The following TMEM106B variants were observed in gnomAD, a reference collection of about 807,000 sequenced individuals.
TMEM106B encodes the protein transmembrane protein 106B.
Under a neutral mutation model 31.1 loss-of-function variants are expected in TMEM106B, and 15 were observed. That is an observed-to-expected ratio of 0.48 (90% CI 0.32 to 0.74). TMEM106B has a LOEUF of 0.74. Among genes scored for constraint, TMEM106B ranks in the 30% least tolerant of loss-of-function variants. The pLI is 0.03. For synonymous variants in TMEM106B, 126 were observed against 112.5 expected, an observed-to-expected ratio of 1.12 and a Z score of -0.76; for missense variants, 283 against 327.3, an observed-to-expected ratio of 0.86 and a Z score of 1.04.
At chr7:12,218,546 GTGTTTTA>G (rs1781730655) in intron 3 of TMEM106B, 25 bp downstream of exon 3, 7 of 1,572,444 alleles carry the variant, frequency 4.5e-6, no homozygotes, top group Middle Eastern at 3.4e-4. Context: ...GAATATGGCA[GTGTTTTA>G]TGTTTTATTT....
chr7:12,214,533 A>G (rs902253325), intron 1 of TMEM106B: 8 of 376,070 alleles, frequency 2.1e-5, no homozygotes, highest in Non-Finnish European at 3.4e-5. Flanking sequence ...TGTATACCTT[A>G]CATCTATTGA....
chr7:12,229,661 T>TG lies in TMEM106B; in HGVS notation c.442-17dup. 1 of 1,528,248 alleles carries TG rather than the reference T, an allele frequency of 6.5e-7. No homozygotes were observed. Among genetic ancestry groups the TG allele is most frequent in the South Asian group, 1.3e-5 (1 of 78,252 alleles). 94.7% of individuals were successfully genotyped at this position (1,528,248 alleles called of 1,614,324 possible). On this transcript the variant is annotated splice_polypyrimidine_tract_variant and intron_variant, in intron 4 of 7. Coordinates refer to ENST00000396668, the MANE Select transcript of TMEM106B (RefSeq NM_001134232.2). ...ATTTTTAGCTAACTTGTAAATTTTC[T>TG]GTGTCCTTTTTTTGTAGAACACACT...
At position 12,230,370 on chromosome 7, in the gene TMEM106B, T is replaced by G; in HGVS notation, c.583-19T>G. On this transcript the variant is annotated intron_variant, in intron 5 of 7. Transcript: ENST00000396668. Reference sequence around the variant, plus strand: ...GTTTTGATCTTGTTCTCTATCGAATTTCTCCTTTTGCCTTTCAGATTGATT... The same window carrying G: ...GTTTTGATCTTGTTCTCTATCGAATGTCTCCTTTTGCCTTTCAGATTGATT... The G allele has an allele frequency of 6.3e-7, 1 of 1,578,288 alleles. No homozygotes were observed. The highest frequency in any genetic ancestry group is 1.7e-4 in the Middle Eastern group (1 of 5,974).
rs1781659335 is a variant in TMEM106B, at chr7:12,215,010, C to G, written c.200C>G (p.Thr67Arg). The G allele has an allele frequency of 6.2e-7, 1 of 1,613,652 alleles. No homozygotes were observed. Among genetic ancestry groups the G allele is most frequent in the Non-Finnish European group, 8.5e-7 (1 of 1,179,702 alleles). The change falls in exon 2 of 8, where the codon ACA becomes AGA. Residue 67 changes from threonine (T) to arginine (R), a missense_variant. Around this residue, in one of 3 missense-constraint regions of TMEM106B, gnomAD observed 77 missense variants for 89.4 expected, o/e 0.86. Transcript: ENST00000396668. ...DSVTCPTCQG[T>R]GRIPRGQENQ... ...GTCACCTGCCCTACTTGTCAGGGAA[C>G]AGGAAGAATTCCTAGGGGTATGTGT...
chr7:12,235,429 A>C lies in TMEM106B; in HGVS notation c.*3454A>C, dbSNP rs922125372. The C allele has an allele frequency of 6.6e-6, 1 of 152,106 alleles. No individual in the cohort carries two copies. Among genetic ancestry groups the C allele is most frequent in the Non-Finnish European group, 1.5e-5 (1 of 67,798 alleles). 9.4% of individuals were successfully genotyped at this position (152,106 alleles called of 1,614,324 possible). On this transcript the variant is annotated 3_prime_UTR_variant, in exon 8 of 8. Transcript: ENST00000396668. ...TGTGCCTTGTTAGGCCAGTGAAGCA[A>C]TTATTTTCTCTAAGAAAATGACAAT...
chr7:12,231,166 T>C (rs922964213), intron 7 of TMEM106B, 51 bp downstream of exon 7: 1 of 1,390,072 alleles, frequency 7.2e-7, no homozygotes, highest in East Asian at 2.3e-5. Flanking sequence ...CATTTTGGAT[T>C]TATAACATTG....
At chr7:12,220,254 A>G (rs1048942481) in intron 3 of TMEM106B, among the ~76,000 whole-genome samples, 4 of 152,200 alleles carry the variant, frequency 2.6e-5, no homozygotes, top group African/African-American at 9.6e-5. Flanking sequence ...AAGTGGGAGA[A>G]CTTTTTAAAC....
intron 5 of TMEM106B, among the ~76,000 whole-genome samples, chr7:12,230,175 C>G (rs560964328): frequency 6.6e-6 from 1 of 151,758 alleles, no homozygotes; most frequent in Non-Finnish European, 1.5e-5. Flanking sequence ...GTGATCACAC[C>G]GCCGTACTCC....
chr7:12,231,812 C>G, intron 7 of TMEM106B, 25 bp from the exon 8 acceptor site: 4 of 1,562,128 alleles, frequency 2.6e-6, no homozygotes, highest in Non-Finnish European at 3.5e-6. Context: ...TATTAAATGT[C>G]TCTCCTCACT....
Position 12,239,843 on chromosome 7 carries a change from GT to G in TMEM106B, c.*7871del, listed in dbSNP as rs1405345710. The G allele has an allele frequency of 6.6e-6, 1 of 151,922 alleles. No homozygotes were observed. Among genetic ancestry groups the G allele is most frequent in the African/African-American group, 2.4e-5 (1 of 41,368 alleles). The allele number at this position is 151,922 out of a possible 1,614,324, so 9.4% of individuals were successfully genotyped here. A position where few individuals can be genotyped will look rare whatever the true frequency, so the allele number is the denominator to read the frequency against. On this transcript the variant is annotated 3_prime_UTR_variant, in exon 8 of 8. Transcript: ENST00000396668. Reference sequence around the variant, plus strand: ...CACTGATTACAGATCATTAAAATAGGTTTAATAATAATGGAAACATTTGAAA... The same window carrying G: ...CACTGATTACAGATCATTAAAATAGGTTAATAATAATGGAAACATTTGAAA...
Position 12,224,232 on chromosome 7 carries a change from G to A in TMEM106B, c.288G>A (p.Leu96=). The change falls in exon 4 of 8, where the codon CTG becomes CTA. Residue 96 remains leucine, a synonymous_variant. Transcript: ENST00000396668. ...DQRLRPRRTK[L]YVMASVFVCL... ...ACCCTCTTTTCCTTTTCAGAAAGCT[G>A]TATGTGATGGCTTCTGTGTTTGTCT... 6.2e-7 allele frequency: 1 copy of A among 1,612,886 alleles called. No individual in the cohort carries two copies. Among genetic ancestry groups the A allele is most frequent in the Non-Finnish European group, 8.5e-7 (1 of 1,179,176 alleles).
Position 12,232,713 on chromosome 7 carries a change from CTG to C in TMEM106B, c.*741_*742del, listed in dbSNP as rs1478892902. The stretch of plus-strand genomic sequence containing the variant: ...TTTAATGTACAATACTGTAAATAAA[CTG>C]TGCATGGCTTTTATACAGCTTTAGT... On this transcript the variant is annotated 3_prime_UTR_variant, in exon 8 of 8. Transcript: ENST00000396668. The C allele has an allele frequency of 2.0e-5, 3 of 152,226 alleles. No individual in the cohort carries two copies. Among genetic ancestry groups the C allele is most frequent in the Admixed American group, 1.3e-4 (2 of 15,236 alleles). 9.4% of individuals were successfully genotyped at this position (152,226 alleles called of 1,614,324 possible).
At position 12,229,565 on chromosome 7, in the gene TMEM106B, A is replaced by G. The variant is rs1002285282; in HGVS notation, c.442-114A>G. The G allele has an allele frequency of 7.3e-5, 63 of 859,320 alleles. No homozygotes were observed. The Admixed American group carries it at 1.7e-3, about 23-fold the overall frequency. 53.2% of individuals were successfully genotyped at this position (859,320 alleles called of 1,614,324 possible). On this transcript the variant is annotated intron_variant, in intron 4 of 7. Coordinates refer to ENST00000396668, the MANE Select transcript of TMEM106B (RefSeq NM_001134232.2). ...TAATTTTCTTTGACATTTTGGTATT[A>G]CTTTCTTTTTCTTAATAAATGAAGC...
intron 1 of TMEM106B, among the ~76,000 whole-genome samples, chr7:12,212,028 A>G (rs1049108681): frequency 3.3e-5 from 5 of 152,216 alleles, no homozygotes; most frequent in Non-Finnish European, 5.9e-5. Context: ...TCCCAAGAAT[A>G]AAAGTGGTTA....
At chr7:12,213,607 T>G (rs906123474) in intron 1 of TMEM106B, among the ~76,000 whole-genome samples, 1 of 152,108 alleles carries the variant, frequency 6.6e-6, no homozygotes, top group Admixed American at 6.5e-5. Context: ...GTGTAGACTT[T>G]TGTCAAATGT....
In TMEM106B at chr7:12,234,352, G is replaced by A. The variant is rs1782087014; in HGVS notation, c.*2377G>A. 6.6e-6 allele frequency: 1 copy of A among 151,644 alleles called. No individual in the cohort carries two copies. The highest frequency in any genetic ancestry group is 2.4e-5 in the African/African-American group (1 of 41,356). The allele number at this position is 151,644 out of a possible 1,614,324, so 9.4% of individuals were successfully genotyped here. On this transcript the variant is annotated 3_prime_UTR_variant, in exon 8 of 8. Coordinates refer to ENST00000396668, the MANE Select transcript of TMEM106B (RefSeq NM_001134232.2). Reference sequence around the variant, plus strand: ...ATTATATCTACTTTTAGTGGAGTTTGAGTCAGAAAAAAACAAGAATTTGAA... The same window carrying A: ...ATTATATCTACTTTTAGTGGAGTTTAAGTCAGAAAAAAACAAGAATTTGAA...
At chr7:12,212,282 A>G (rs1781595429) in intron 1 of TMEM106B, among the ~76,000 whole-genome samples, 1 of 152,202 alleles carries the variant, frequency 6.6e-6, no homozygotes, top group African/African-American at 2.4e-5. Flanking sequence ...GATCCCAGAA[A>G]GAGTGCCCTT....
chr7:12,230,609 A>ATATG, intron 6 of TMEM106B, 171 bp downstream of exon 6: 2 of 490,558 alleles, frequency 4.1e-6, no homozygotes, highest in Non-Finnish European at 7.1e-6. Context: ...TATAATATTC[A>ATATG]TGTATATATA....
rs919140307 is a variant in TMEM106B, at chr7:12,232,529, G to C, written c.*554G>C. 6.6e-6 allele frequency: 1 copy of C among 152,094 alleles called. No homozygotes were observed. The highest frequency in any genetic ancestry group is 1.5e-5 in the Non-Finnish European group (1 of 67,746). 9.4% of individuals were successfully genotyped at this position (152,094 alleles called of 1,614,324 possible). ...AAATGGTAATCATCTGCATGTTTTTGTCACTTATTTCAGGTTAGTGATTGC... is the reference window on the plus strand; with the variant it reads ...AAATGGTAATCATCTGCATGTTTTTCTCACTTATTTCAGGTTAGTGATTGC... On this transcript the variant is annotated 3_prime_UTR_variant, in exon 8 of 8. Transcript: ENST00000396668.
Sources: gnomAD v4.1 joint callset for allele counts (sites outside exome capture counted in the v4.1 genomes callset) on GRCh38, gnomAD v4.1.1 for gene constraint, gnomAD v4.1.1 regional missense constraint, MANE v1.5 for transcripts, NCBI Gene and HGNC (gene_info 2026-07-23, HGNC 2026-07-21) for gene names.